TRANK1: variants seen among roughly 807,000 people sequenced by gnomAD.
TRANK1 encodes TPR and ankyrin repeat-containing protein 1.
TRANK1 carries 198 observed loss-of-function variants against 266.0 expected under a neutral mutation model. That is an observed-to-expected ratio of 0.74 (90% CI 0.66 to 0.84). TRANK1 has a LOEUF of 0.84. Among genes scored for constraint, TRANK1 ranks in the 40% least tolerant of loss-of-function variants. The pLI is 0.00. For synonymous variants in TRANK1, 1,396 were observed against 1,384.1 expected, an observed-to-expected ratio of 1.01 and a Z score of -0.19; for missense variants, 3,326 against 3,634.6, an observed-to-expected ratio of 0.92 and a Z score of 2.18.
chr3:36,902,828 T>G (rs1215928609), intron 3 of TRANK1, among the ~76,000 whole-genome samples: 3 of 152,268 alleles, frequency 2.0e-5, no homozygotes, highest in Non-Finnish European at 2.9e-5. Flanking sequence ...TGATCTCCAT[T>G]GTGCTCCATC....
In TRANK1 at chr3:36,851,890, G is replaced by A. The variant is rs527986896; in HGVS notation, c.4750-34C>T. On this transcript the variant is annotated intron_variant, in intron 14 of 23. Coordinates refer to ENST00000645898, the MANE Select transcript of TRANK1 (RefSeq NM_001329998.2). Reference sequence around the variant, plus strand: ...AAACAAAAGAACATCAAATTCTACAGAGAAAACCCCAGTAAGCCTCAGTCT... The same window carrying A: ...AAACAAAAGAACATCAAATTCTACAAAGAAAACCCCAGTAAGCCTCAGTCT... The A allele has an allele frequency of 4.5e-6, 7 of 1,560,454 alleles. No homozygotes were observed. In the South Asian group the frequency reaches 7.2e-5, roughly 16 times the overall value.
intron 15 of TRANK1, chr3:36,850,022 T>A: frequency 1.0e-6 from 1 of 985,378 alleles, no homozygotes; most frequent in Non-Finnish European, 1.2e-6. Context: ...GTAAGACACA[T>A]AACTGGATTT....
chr3:36,896,717 G>A (rs558161364), intron 4 of TRANK1, among the ~76,000 whole-genome samples: 1 of 152,160 alleles, frequency 6.6e-6, no homozygotes, highest in Non-Finnish European at 1.5e-5. Flanking sequence ...GCAGAGGGCC[G>A]GGTGCAGTGG....
At position 36,831,524 on chromosome 3, in the gene TRANK1, A is replaced by T. The variant is rs1296021024; in HGVS notation, c.8059T>A (p.Cys2687Ser). 1 of 1,612,894 alleles carries T rather than the reference A, an allele frequency of 6.2e-7. No homozygotes were observed. The change falls in exon 22 of 24, where the codon TGT becomes AGT. Residue 2687 changes from cysteine (C) to serine (S), a missense_variant. Transcript: ENST00000645898. The surrounding 1 kb of genome is among the most constrained non-coding windows in gnomAD (Gnocchi z 5.0). ...DPVDYFAEPE[C>S]EFGQDEMDEL... ...TCCATCTCATCCTGGCCAAACTCAC[A>T]CTCAGGTTCAGCAAAGTAGTCCACA...
rs576185719 is a variant in TRANK1 at position 36,898,414 on chromosome 3, A to C, written c.433+695T>G. 5.3e-5 allele frequency among the ~76,000 whole-genome samples: 8 copies of C among 151,766 alleles called. No individual in the cohort carries two copies. In the South Asian group the frequency reaches 1.7e-3, roughly 32 times the overall value. On this transcript the variant is annotated intron_variant, in intron 4 of 23. Coordinates refer to ENST00000645898, the MANE Select transcript of TRANK1 (RefSeq NM_001329998.2). ...CAGTGAGCAAAGATCGTGCCATTGC[A>C]CTCCAGCCTGGGCAACAAGACTGAA...
rs1206295669 is a variant in TRANK1, at chr3:36,827,771, T to C, written c.*504A>G. On this transcript the variant is annotated 3_prime_UTR_variant, in exon 24 of 24. Coordinates refer to ENST00000645898, the MANE Select transcript of TRANK1 (RefSeq NM_001329998.2). Reference sequence around the variant, plus strand: ...GAGATGACCAGAATGCGTCCTGGGCTCGGGGTGGCCAGTGGCAGGGCCCAC... The same window carrying C: ...GAGATGACCAGAATGCGTCCTGGGCCCGGGGTGGCCAGTGGCAGGGCCCAC... 1 of 152,944 alleles carries C rather than the reference T, an allele frequency of 6.5e-6. No individual in the cohort carries two copies. Among genetic ancestry groups the C allele is most frequent in the East Asian group, 1.9e-4 (1 of 5,208 alleles). 9.5% of individuals were successfully genotyped at this position (152,944 alleles called of 1,614,324 possible).
rs75803157 is a variant in TRANK1, at chr3:36,908,008, A to G, written c.155+315T>C. 5.3e-5 allele frequency among the ~76,000 whole-genome samples: 8 copies of G among 152,280 alleles called. No homozygotes were observed. In the East Asian group the frequency reaches 1.4e-3, roughly 26 times the overall value. On this transcript the variant is annotated intron_variant, in intron 2 of 23. Coordinates refer to ENST00000645898, the MANE Select transcript of TRANK1 (RefSeq NM_001329998.2). ...TGGCCACGGAGTAAATGGCATAGAT[A>G]ATAAAGAAGATGAAATGAATGACAA...
At chr3:36,879,655 A>AAT (rs1293881035) in intron 8 of TRANK1, among the ~76,000 whole-genome samples, 7 of 94,008 alleles carry the variant, frequency 7.4e-5, no homozygotes, top group Admixed American at 1.3e-4. Flanking sequence ...AATATATATA[A>AAT]ATATATAAAT....
At chr3:36,879,655 AATAT>A (rs1293881035) in intron 8 of TRANK1, among the ~76,000 whole-genome samples, 3 of 94,024 alleles carry the variant, frequency 3.2e-5, no homozygotes, top group East Asian at 8.0e-4. Context: ...AATATATATA[AATAT>A]ATAAATATAT....
Position 36,879,615 on chromosome 3 carries a change from CAAATATATAT to C in TRANK1, c.908-5329_908-5320del, listed in dbSNP as rs1425183998. On this transcript the variant is annotated intron_variant, in intron 8 of 23. Coordinates refer to ENST00000645898, the MANE Select transcript of TRANK1 (RefSeq NM_001329998.2). ...AAATATATAAATATATATAAATATA[CAAATATATAT>C]AAATATATATAAATATACAAATATA... Among the ~76,000 whole-genome samples, 7 of 54,820 alleles carry C rather than the reference CAAATATATAT, an allele frequency of 1.3e-4. 2 individuals carry two copies. In the South Asian group the frequency reaches 1.5e-3, roughly 12 times the overall value. The allele number at this position is 54,820 out of a possible 152,430, so 36.0% of individuals were successfully genotyped here.
chr3:36,864,271 T>G, intron 10 of TRANK1, 48 bp downstream of exon 10: 1 of 1,447,318 alleles, frequency 6.9e-7, no homozygotes, highest in Non-Finnish European at 9.1e-7. Flanking sequence ...AGAATTTTAA[T>G]GAACATAAAT....
At chr3:36,834,634 T>A in intron 21 of TRANK1, 128 bp downstream of exon 21, 1 of 1,093,488 alleles carries the variant, frequency 9.1e-7, no homozygotes, top group Non-Finnish European at 1.3e-6. Flanking sequence ...AGGCCATCGC[T>A]TAAGTGGAAA....
intron 10 of TRANK1, among the ~76,000 whole-genome samples, chr3:36,861,872 C>T (rs892268711): frequency 2.6e-5 from 4 of 151,744 alleles, no homozygotes; most frequent in Admixed American, 1.3e-4. Flanking sequence ...CACCCGGCTA[C>T]TTTTTTGTAT....
At chr3:36,872,939 A>C (rs968569714) in intron 9 of TRANK1, among the ~76,000 whole-genome samples, 3 of 152,212 alleles carry the variant, frequency 2.0e-5, no homozygotes, top group African/African-American at 7.2e-5. Context: ...AGGGGGAAAA[A>C]ATGAGACTGA....
intron 2 of TRANK1, among the ~76,000 whole-genome samples, chr3:36,905,915 C>G (rs2079960725): frequency 6.6e-6 from 1 of 152,196 alleles, no homozygotes. Flanking sequence ...GGAAGGCCAG[C>G]AGCAGGTGAT....
At chr3:36,928,370 T>TTA (rs1484382313) in intron 1 of TRANK1, among the ~76,000 whole-genome samples, 1 of 152,204 alleles carries the variant, frequency 6.6e-6, no homozygotes, top group Admixed American at 6.5e-5. Flanking sequence ...ACAGCCAACT[T>TTA]TAAAGTCCTG....
intron 18 of TRANK1, among the ~76,000 whole-genome samples, chr3:36,841,157 A>G (rs947453301): frequency 1.3e-4 from 20 of 152,188 alleles, no homozygotes; most frequent in African/African-American, 4.6e-4. Flanking sequence ...CTCAGGCCCA[A>G]CTCCATGAAA....
chr3:36,879,002 G>T (rs1190516127), intron 8 of TRANK1, among the ~76,000 whole-genome samples: 2 of 151,814 alleles, frequency 1.3e-5, no homozygotes, highest in East Asian at 3.9e-4. Context: ...AATTTAAATT[G>T]TCTGATTAAT....
intron 1 of TRANK1, among the ~76,000 whole-genome samples, chr3:36,932,890 C>T (rs1014417578): frequency 1.3e-5 from 2 of 152,206 alleles, no homozygotes; most frequent in South Asian, 4.2e-4. Flanking sequence ...ACTAATACAC[C>T]ACCACTGAAT....
Sources: allele counts gnomAD v4.1 joint callset (sites outside exome capture counted in the v4.1 genomes callset), GRCh38; gene constraint gnomAD v4.1.1; non-coding constraint Gnocchi (gnomAD v3.1); transcripts MANE v1.5; gene names NCBI Gene and HGNC (gene_info 2026-07-23, HGNC 2026-07-21).